Variants in GALNT1 observed in about 807,000 individuals in gnomAD.
The protein encoded by GALNT1 is polypeptide N-acetylgalactosaminyltransferase 1, also known as GalNAc transferase 1.
In GALNT1, 17 loss-of-function variants were observed where a neutral mutation model predicts 65.7. That is an observed-to-expected ratio of 0.26 (90% confidence interval 0.18 to 0.39). The LOEUF is 0.39. GALNT1 is among the 10% of genes least tolerant of loss of function. The pLI is 1.00. For synonymous variants in GALNT1, 210 were observed against 219.7 expected (o/e 0.96, Z 0.39); for missense variants, 460 against 672.8 (o/e 0.68, Z 3.50).
chr18:35,586,599 T>G (rs2046380843), intron 1 of GALNT1, among the ~76,000 whole-genome samples: 1 of 152,072 alleles, frequency 6.6e-6, no homozygotes, highest in African/African-American at 2.4e-5. Flanking sequence ...GAGATTTAGG[T>G]CAAAATTGTG....
At chr18:35,665,959 C>A (rs914135646) in intron 3 of GALNT1, among the ~76,000 whole-genome samples, 1 of 151,852 alleles carries the variant, frequency 6.6e-6, no homozygotes, top group African/African-American at 2.4e-5. Flanking sequence ...TGAGAATGAC[C>A]AGAAGGTGAT....
intron 8 of GALNT1, 149 bp from the exon 9 acceptor site, chr18:35,692,032 G>A: frequency 1.7e-6 from 1 of 583,564 alleles, no homozygotes; most frequent in Non-Finnish European, 3.0e-6. Flanking sequence ...TTATACTTTT[G>A]GTGGATTCAT....
At chr18:35,624,917 C>G (rs1319850848) in intron 1 of GALNT1, among the ~76,000 whole-genome samples, 1 of 151,980 alleles carries the variant, frequency 6.6e-6, no homozygotes, top group Non-Finnish European at 1.5e-5. Flanking sequence ...AGTACTGTTC[C>G]AGATGATGTA....
At chr18:35,653,232 A>G (rs2047333347) in intron 1 of GALNT1, among the ~76,000 whole-genome samples, 1 of 152,218 alleles carries the variant, frequency 6.6e-6, no homozygotes, top group Non-Finnish European at 1.5e-5. Flanking sequence ...GGAGGAATAT[A>G]GGCAAGAGAT....
At chr18:35,682,805 T>G (rs1417372746) in intron 4 of GALNT1, among the ~76,000 whole-genome samples, 2 of 151,928 alleles carry the variant, frequency 1.3e-5, no homozygotes, top group Non-Finnish European at 2.9e-5. Context: ...TTTTAAACTT[T>G]TTTTCTTACA....
intron 1 of GALNT1, among the ~76,000 whole-genome samples, chr18:35,630,916 C>T (rs1363299467): frequency 3.3e-5 from 5 of 152,184 alleles, no homozygotes; most frequent in African/African-American, 9.7e-5. Context: ...TCAGAGAATA[C>T]TATAAACACC....
chr18:35,616,489 T>C (rs1410823380), intron 1 of GALNT1, among the ~76,000 whole-genome samples: 3 of 152,198 alleles, frequency 2.0e-5, no homozygotes, highest in Non-Finnish European at 4.4e-5. Flanking sequence ...AAAAGAAATA[T>C]AGCTGTTATT....
chr18:35,652,139 CAAA>C (rs931576240), intron 1 of GALNT1, among the ~76,000 whole-genome samples: 1 of 152,060 alleles, frequency 6.6e-6, no homozygotes, highest in Non-Finnish European at 1.5e-5. Context: ...AGAAACATCT[CAAA>C]GAAGACATTT....
intron 3 of GALNT1, among the ~76,000 whole-genome samples, chr18:35,676,160 G>A (rs879304585): frequency 4.6e-5 from 7 of 152,098 alleles, no homozygotes; most frequent in Admixed American, 4.6e-4. Flanking sequence ...GCCTTCTTGT[G>A]GTGGTTAGAG....
Position 35,652,985 on chromosome 18 carries a change from A to G in GALNT1, c.-103-1575A>G, listed in dbSNP as rs1032359877. Among the ~76,000 whole-genome samples, 9 of 152,334 alleles carry G rather than the reference A, an allele frequency of 5.9e-5. No individual in the cohort carries two copies. The South Asian group carries it at 1.9e-3, about 32-fold the overall frequency. ...TCAAAAGAGGCAGCTTTTCATATGAAATAACACAAAATATAAATGTATGTA... is the reference window on the plus strand; with the variant it reads ...TCAAAAGAGGCAGCTTTTCATATGAGATAACACAAAATATAAATGTATGTA... On this transcript the variant is annotated intron_variant, in intron 1 of 11. Coordinates refer to ENST00000269195, the MANE Select transcript of GALNT1 (RefSeq NM_020474.4).
chr18:35,631,507 C>T (rs1450679075), intron 1 of GALNT1, among the ~76,000 whole-genome samples: 1 of 152,064 alleles, frequency 6.6e-6, no homozygotes, highest in African/African-American at 2.4e-5. Context: ...AATTCAACAG[C>T]CTTTCATGCT....
At chr18:35,625,353 G>T (rs550550715) in intron 1 of GALNT1, among the ~76,000 whole-genome samples, 7 of 152,212 alleles carry the variant, frequency 4.6e-5, no homozygotes, top group African/African-American at 1.7e-4. Context: ...TCAAAGCATG[G>T]TCAGAAAAGT....
At chr18:35,584,303 T>TG (rs757751393) in intron 1 of GALNT1, among the ~76,000 whole-genome samples, 12 of 152,222 alleles carry the variant, frequency 7.9e-5, no homozygotes, top group Non-Finnish European at 1.5e-4. Context: ...TACTTTTTTT[T>TG]CAGTAACAGA....
chr18:35,582,733 A>T (rs2046337678), intron 1 of GALNT1, among the ~76,000 whole-genome samples: 1 of 152,230 alleles, frequency 6.6e-6, no homozygotes, highest in African/African-American at 2.4e-5. Flanking sequence ...AGGTCTTGTC[A>T]TTTCACAGAT....
chr18:35,608,872 C>G (rs2046682942), intron 1 of GALNT1, among the ~76,000 whole-genome samples: 1 of 152,220 alleles, frequency 6.6e-6, no homozygotes, highest in Non-Finnish European at 1.5e-5. Flanking sequence ...TAACTAAGCA[C>G]TAGCCATCAT....
intron 1 of GALNT1, among the ~76,000 whole-genome samples, chr18:35,624,696 A>G (rs2046894503): frequency 6.6e-6 from 1 of 152,022 alleles, no homozygotes; most frequent in African/African-American, 2.4e-5. Flanking sequence ...TTTAACTTAC[A>G]CATTCTGTTT....
chr18:35,687,100 G>A lies in GALNT1; in HGVS notation c.774G>A (p.Gly258=). 6.2e-7 allele frequency: 1 copy of A among 1,613,894 alleles called. No individual in the cohort carries two copies. Among genetic ancestry groups the A allele is most frequent in the Non-Finnish European group, 8.5e-7 (1 of 1,179,858 alleles). ...YMAGSDMTYG[G]FNWKLNFRWY... ...CAGGCTCTGATATGACCTATGGTGG[G>A]TTCAACTGGAAGCTCAATTTTCGCT... Residue 258 remains glycine (G), a synonymous_variant, in exon 6 of 12, where the codon GGG becomes GGA. Coordinates refer to ENST00000269195, the MANE Select transcript of GALNT1 (RefSeq NM_020474.4).
intron 3 of GALNT1, among the ~76,000 whole-genome samples, chr18:35,674,014 C>T (rs947722816): frequency 6.6e-6 from 1 of 152,134 alleles, no homozygotes; most frequent in Non-Finnish European, 1.5e-5. Context: ...CTACTGAATA[C>T]TGTAGGCAAT....
chr18:35,606,214 G>A (rs770480392), intron 1 of GALNT1, among the ~76,000 whole-genome samples: 2 of 152,154 alleles, frequency 1.3e-5, no homozygotes, highest in Non-Finnish European at 2.9e-5. Context: ...TAAAGCTTCC[G>A]CCTGGAAGTG....
Sources: gnomAD v4.1 joint callset for allele counts (sites outside exome capture counted in the v4.1 genomes callset) on GRCh38, gnomAD v4.1.1 for gene constraint, MANE v1.5 for transcripts, NCBI Gene and HGNC (gene_info 2026-07-23, HGNC 2026-07-21) for gene names.